The following CPEB3 variants were observed in gnomAD, a reference collection of about 807,000 sequenced individuals.
The protein encoded by CPEB3 is cytoplasmic polyadenylation element binding protein 3.
In CPEB3, 20 loss-of-function variants were observed where a neutral mutation model predicts 67.2. The observed-to-expected ratio is 0.30, with a 90% CI of 0.21 to 0.43. CPEB3 has a LOEUF of 0.43. Ranked by LOEUF, CPEB3 falls within the 20% of genes least tolerant of loss-of-function variation. The pLI is 1.00. For missense variants in CPEB3, 746 were observed against 968.6 expected, an observed-to-expected ratio of 0.77 and a Z score of 3.05; for synonymous variants, 376 against 393.1, an observed-to-expected ratio of 0.96 and a Z score of 0.51.
intron 2 of CPEB3, among the ~76,000 whole-genome samples, chr10:92,199,895 CAGAGAGAGAG>C (rs34608647): frequency 5.4e-5 from 8 of 148,142 alleles, no homozygotes; most frequent in Admixed American, 3.4e-4. Flanking sequence ...TCCAAACACA[CAGAGAGAGAG>C]AGAGAGAGAG....
At position 92,251,678 on chromosome 10, in the gene CPEB3, T is replaced by C. The variant is rs1164726854; in HGVS notation, c.-11-11317A>G. On this transcript the variant is annotated intron_variant, in intron 1 of 9. Coordinates refer to ENST00000265997, the MANE Select transcript of CPEB3 (RefSeq NM_014912.5). ...TATTCAAAAATCAATTCCAGATGGA[T>C]TGTAGGCCTAATTGTAAAATATAAA... 3.3e-5 allele frequency among the ~76,000 whole-genome samples: 5 copies of C among 152,058 alleles called. 1 individual carries two copies. Among genetic ancestry groups the C allele is most frequent in the Non-Finnish European group, 7.4e-5 (5 of 68,006 alleles).
intron 6 of CPEB3, among the ~76,000 whole-genome samples, chr10:92,114,352 A>G (rs766398): frequency 0.39 from 59,972 of 152,084 alleles, 12,707 homozygotes; most frequent in African/African-American, 0.55. Flanking sequence ...TTGATCTTGA[A>G]AAATTTAAAG....
At chr10:92,215,657 G>A (rs1489734813) in intron 2 of CPEB3, among the ~76,000 whole-genome samples, 3 of 151,430 alleles carry the variant, frequency 2.0e-5, no homozygotes, top group Non-Finnish European at 4.4e-5. Context: ...TGGCCAGGCT[G>A]GTCTCAAACT....
intron 9 of CPEB3, among the ~76,000 whole-genome samples, chr10:92,072,664 TTTTG>T (rs760333101): frequency 4.6e-5 from 7 of 152,324 alleles, no homozygotes; most frequent in South Asian, 4.1e-4. Context: ...AAGCCAGTAC[TTTTG>T]TTTGTTTGTT....
intron 1 of CPEB3, among the ~76,000 whole-genome samples, chr10:92,240,823 A>T (rs1356087126): frequency 1.3e-5 from 2 of 151,866 alleles, no homozygotes; most frequent in South Asian, 4.1e-4. Flanking sequence ...CGCACACACG[A>T]CCCTTTCTTC....
intron 6 of CPEB3, among the ~76,000 whole-genome samples, chr10:92,132,398 AAAGT>A (rs780279667): frequency 6.6e-6 from 1 of 152,236 alleles, no homozygotes; most frequent in South Asian, 2.1e-4. Flanking sequence ...GTCAATGTCA[AAAGT>A]AAAGTAATAC....
intron 6 of CPEB3, among the ~76,000 whole-genome samples, chr10:92,111,441 G>T (rs1264700291): frequency 6.6e-6 from 1 of 152,160 alleles, no homozygotes; most frequent in African/African-American, 2.4e-5. Flanking sequence ...AAATACATCT[G>T]GTTATCCTTA....
chr10:92,224,384 A>G (rs898437196), intron 2 of CPEB3, among the ~76,000 whole-genome samples: 5 of 152,162 alleles, frequency 3.3e-5, no homozygotes, highest in African/African-American at 7.2e-5. Context: ...AAAATCCTTC[A>G]ATGTTCCTCA....
intron 9 of CPEB3, among the ~76,000 whole-genome samples, chr10:92,077,962 A>G (rs1843000272): frequency 6.6e-6 from 1 of 152,078 alleles, no homozygotes; most frequent in Admixed American, 6.6e-5. Flanking sequence ...GATGACTCTC[A>G]CCCCAGGGCA....
chr10:92,108,766 C>T (rs1321963937), intron 7 of CPEB3, among the ~76,000 whole-genome samples: 1 of 152,122 alleles, frequency 6.6e-6, no homozygotes, highest in African/African-American at 2.4e-5. Context: ...AGCTAGTTTC[C>T]CCATAAACAT....
chr10:92,126,396 T>C (rs1347308909), intron 6 of CPEB3, among the ~76,000 whole-genome samples: 2 of 152,132 alleles, frequency 1.3e-5, no homozygotes, highest in Admixed American at 6.5e-5. Flanking sequence ...AGTTCACCCA[T>C]GTCCAGAAAT....
At chr10:92,279,085 G>A (rs1227575350) in intron 1 of CPEB3, among the ~76,000 whole-genome samples, 1 of 152,092 alleles carries the variant, frequency 6.6e-6, no homozygotes, top group Non-Finnish European at 1.5e-5. Flanking sequence ...TTGAATAGAG[G>A]ATGTAAGAGG....
intron 2 of CPEB3, among the ~76,000 whole-genome samples, chr10:92,210,339 C>A (rs980817974): frequency 8.5e-5 from 13 of 152,122 alleles, no homozygotes; most frequent in African/African-American, 2.9e-4. Context: ...GAAGGGACCT[C>A]AATTCTGTCT....
chr10:92,053,202 G>T (rs942762451), intron 9 of CPEB3, among the ~76,000 whole-genome samples: 1 of 152,154 alleles, frequency 6.6e-6, no homozygotes, highest in Non-Finnish European at 1.5e-5. Flanking sequence ...AACTTCAATA[G>T]ACGACAACTT....
chr10:92,190,286 C>A (rs755089689), intron 3 of CPEB3, among the ~76,000 whole-genome samples: 2 of 148,976 alleles, frequency 1.3e-5, no homozygotes, highest in African/African-American at 2.5e-5. Flanking sequence ...CTCAAAAAAA[C>A]CAACAAAAAT....
At chr10:92,063,891 A>T (rs1842452853) in intron 9 of CPEB3, among the ~76,000 whole-genome samples, 1 of 152,242 alleles carries the variant, frequency 6.6e-6, no homozygotes, top group Admixed American at 6.5e-5. Context: ...CTGGAAAAAG[A>T]AGCAGTGAAG....
intron 9 of CPEB3, among the ~76,000 whole-genome samples, chr10:92,056,009 C>A (rs1007937075): frequency 3.3e-5 from 5 of 152,130 alleles, no homozygotes; most frequent in African/African-American, 4.8e-5. Context: ...CACAGTGAGA[C>A]CCTGTCTCAA....
intron 7 of CPEB3, among the ~76,000 whole-genome samples, chr10:92,109,561 T>C (rs1329572476): frequency 2.6e-5 from 4 of 152,088 alleles, no homozygotes; most frequent in Non-Finnish European, 5.9e-5. Context: ...CAGGTACAGA[T>C]TTTTTGTGTG....
chr10:92,168,842 C>T (rs1314720120), intron 4 of CPEB3, among the ~76,000 whole-genome samples: 1 of 136,796 alleles, frequency 7.3e-6, no homozygotes, highest in Non-Finnish European at 1.5e-5. Flanking sequence ...GTTGCCCAGG[C>T]TGGAGTGCAA....
Sources: gnomAD v4.1 joint callset for allele counts (sites outside exome capture counted in the v4.1 genomes callset) on GRCh38, gnomAD v4.1.1 for gene constraint, MANE v1.5 for transcripts, NCBI Gene and HGNC (gene_info 2026-07-23, HGNC 2026-07-21) for gene names.